Variants in UGT2B11 observed in about 807,000 individuals in gnomAD.
UGT2B11 encodes the protein UDP-glucuronosyltransferase 2B11.
Under a neutral mutation model 51.7 loss-of-function variants are expected in UGT2B11, and 49 were observed. The ratio of observed to expected loss-of-function variants is 0.95; its 90% CI spans 0.75 to 1.20. The LOEUF (loss-of-function observed/expected upper bound fraction) is 1.20. UGT2B11 is among the 50% of genes most tolerant of loss of function. The pLI, the probability that UGT2B11 is intolerant of heterozygous loss-of-function variation, is 0.00. For synonymous variants in UGT2B11, 273 were observed against 209.0 expected (o/e 1.31, Z -2.64); for missense variants, 810 against 622.1 (o/e 1.30, Z -3.21).
At chr4:69,222,330 T>C in the UGT2B11 span, among the ~76,000 whole-genome samples, 3 of 152,260 alleles carry the variant, frequency 2.0e-5, no homozygotes, top group Non-Finnish European at 2.9e-5. Flanking sequence ...GGGCCTTCCT[T>C]AGCCTTTCTA....
chr4:69,208,359 G>A lies in UGT2B11; in HGVS notation c.994C>T (p.Pro332Ser), dbSNP rs1560538589. The A allele has an allele frequency of 6.2e-7, 1 of 1,610,776 alleles. No homozygotes were observed. Among genetic ancestry groups the A allele is most frequent in the Non-Finnish European group, 8.5e-7 (1 of 1,177,944 alleles). The part of the protein sequence containing the change: ...NVIATALAKI[P>S]QKVLWRFDGN... ...AAGGCCCTTTATCTTACCTTTTGTG[G>A]GATCTTGGCAAGGGCTGTTGCAATT... Residue 332 changes from proline (P) to serine (S), a missense_variant, in exon 3 of 6, where the codon CCA becomes TCA. Coordinates refer to ENST00000446444, the MANE Select transcript of UGT2B11 (RefSeq NM_001073.3).
chr4:69,212,350 A>G (rs561972464), intron 2 of UGT2B11, among the ~76,000 whole-genome samples: 8 of 151,644 alleles, frequency 5.3e-5, no homozygotes, highest in Middle Eastern at 3.4e-3. Context: ...TCAACCCTAC[A>G]TTCAAAGTCT....
rs543747191 is a variant in UGT2B11, at chr4:69,212,102, T to C, written c.870+471A>G. ...CCAGGATACTTTCTATTATCTCCAC[T>C]GATGCTTTTTTGACATTGGGTTTTT... On this transcript the variant is annotated intron_variant, in intron 2 of 5. Transcript: ENST00000446444. Among the ~76,000 whole-genome samples, 3 of 151,726 alleles carry C rather than the reference T, an allele frequency of 2.0e-5. No individual in the cohort carries two copies. In the South Asian group the frequency reaches 6.2e-4, roughly 31 times the overall value.
rs1173286612 is a variant in UGT2B11, at chr4:69,204,485, T to C, written c.1255A>G (p.Thr419Ala). 2.5e-6 allele frequency: 4 copies of C among 1,612,034 alleles called. No individual in the cohort carries two copies. The African/African-American group carries it at 4.0e-5, about 16-fold the overall frequency. ...TTCAGCAGGTCTGTACTCGACATTG[T>C]GTTGAAGTCCAATCTAACAGCTGCT... ...KGAAVRLDFN[T>A]MSSTDLLNAL... The change falls in exon 5 of 6, where the codon ACA becomes GCA. Residue 419 changes from threonine to alanine, a missense_variant. Physicochemically the swap from Thr to Ala is moderately conservative, Grantham distance 58. Coordinates refer to ENST00000446444, the MANE Select transcript of UGT2B11 (RefSeq NM_001073.3).
the UGT2B11 span, among the ~76,000 whole-genome samples, chr4:69,223,583 A>G: frequency 1.3e-5 from 2 of 152,168 alleles, no homozygotes. Flanking sequence ...CTGAGGCACC[A>G]CTGATGCCTG....
chr4:69,203,130 G>T lies in UGT2B11; in HGVS notation c.1310+1300C>A, dbSNP rs576924840. Among the ~76,000 whole-genome samples the T allele has an allele frequency of 2.6e-5, 4 of 151,692 alleles. No homozygotes were observed. In the East Asian group the frequency reaches 7.8e-4, roughly 30 times the overall value. On this transcript the variant is annotated intron_variant, in intron 5 of 5. Coordinates refer to ENST00000446444, the MANE Select transcript of UGT2B11 (RefSeq NM_001073.3). ...TATTTAAAAAGTATATATCTGATTT[G>T]TCCCATAATATATAAATAGTTCTTA...
At chr4:69,204,371 C>T in intron 5 of UGT2B11, 59 bp downstream of exon 5, 9 of 1,602,066 alleles carry the variant, frequency 5.6e-6, no homozygotes, top group Non-Finnish European at 7.7e-6. Context: ...CTCATGCTCA[C>T]TATTGACAAG....
chr4:69,200,577 A>T lies in UGT2B11; in HGVS notation c.1453T>A (p.Trp485Arg). 6.2e-7 allele frequency: 1 copy of T among 1,612,512 alleles called. No homozygotes were observed. The highest frequency in any genetic ancestry group is 1.7e-4 in the Middle Eastern group (1 of 6,044). Residue 485 changes from tryptophan to arginine, a missense_variant, in exon 6 of 6, where the codon TGG becomes AGG. By Grantham distance (101) the Trp-to-Arg change is moderately radical. Coordinates refer to ENST00000446444, the MANE Select transcript of UGT2B11 (RefSeq NM_001073.3). ...HLRVAAHDLT[W>R]FQYHSLDVIG... is the part of the protein sequence containing the mutation. ...ACATCCAAAGAGTGGTACTGGAACC[A>T]GGTGAGGTCATGGGCTGCAACTCGA... is the stretch of plus-strand genomic sequence containing the variant.
At chr4:69,220,818 C>T in the UGT2B11 span, among the ~76,000 whole-genome samples, 3 of 152,042 alleles carry the variant, frequency 2.0e-5, no homozygotes, top group Non-Finnish European at 2.9e-5. Flanking sequence ...GAGGCAGGTT[C>T]CTCCTCTTTC....
chr4:69,210,343 C>CAA (rs957583029), intron 2 of UGT2B11, among the ~76,000 whole-genome samples: 17 of 151,374 alleles, frequency 1.1e-4, no homozygotes, highest in Admixed American at 8.6e-4. Context: ...AAATTAATAA[C>CAA]TACGCATTTT....
intron 2 of UGT2B11, among the ~76,000 whole-genome samples, chr4:69,212,165 T>G (rs1722089607): frequency 1.3e-5 from 2 of 151,696 alleles, no homozygotes; most frequent in Admixed American, 1.3e-4. Flanking sequence ...TTTCATTAAT[T>G]ACTTTTCTAT....
In UGT2B11 at chr4:69,212,608, C is replaced by G. The variant is rs1453683522; in HGVS notation, c.835G>C (p.Gly279Arg). The change falls in exon 2 of 6, where the codon GGA becomes CGA. Residue 279 changes from glycine to arginine, a missense_variant. Physicochemically the swap from Gly to Arg is moderately radical, Grantham distance 125. Transcript: ENST00000446444. ...PFLPNVDFVG[G>R]FHCKPAKPLP... ...GGTTTGGCAGGTTTGCAGTGGAATC[C>G]TCCAACAAAATCAACGTTTGGTAAG... 5.6e-6 allele frequency: 9 copies of G among 1,608,366 alleles called. No individual in the cohort carries two copies. The highest frequency in any genetic ancestry group is 7.6e-6 in the Non-Finnish European group (9 of 1,176,912).
upstream of UGT2B11, among the ~76,000 whole-genome samples, chr4:69,219,053 G>A (rs1452823461): frequency 3.9e-5 from 6 of 151,934 alleles, no homozygotes; most frequent in East Asian, 9.7e-4. Context: ...CCCATTCAGC[G>A]TCCTCAGCCT....
the UGT2B11 span, among the ~76,000 whole-genome samples, chr4:69,221,607 A>G: frequency 6.6e-6 from 1 of 152,272 alleles, no homozygotes; most frequent in Admixed American, 6.5e-5. Flanking sequence ...AGGCATTACA[A>G]GAAAGGCATG....
chr4:69,220,155 A>C, the UGT2B11 span, among the ~76,000 whole-genome samples: 1 of 152,188 alleles, frequency 6.6e-6, no homozygotes, highest in Non-Finnish European at 1.5e-5. Flanking sequence ...AGGTAAGGCA[A>C]TAAAATCCAG....
upstream of UGT2B11, chr4:69,215,515 T>A (rs1179912108): frequency 6.6e-6 from 1 of 152,094 alleles, no homozygotes; most frequent in Non-Finnish European, 1.5e-5. Flanking sequence ...ACAATTTATT[T>A]ATTCATTTAT....
intron 2 of UGT2B11, among the ~76,000 whole-genome samples, chr4:69,210,145 C>G (rs1027912888): frequency 6.6e-6 from 1 of 151,422 alleles, no homozygotes; most frequent in Admixed American, 6.6e-5. Context: ...TTTATTTGTA[C>G]TATGGCTGAT....
chr4:69,208,379 G>A lies in UGT2B11; in HGVS notation c.974C>T (p.Ala325Val), dbSNP rs755449934. The A allele has an allele frequency of 6.2e-7, 1 of 1,611,036 alleles. No homozygotes were observed. The highest frequency in any genetic ancestry group is 1.7e-5 in the Admixed American group (1 of 59,812). ...TTGTGGGATCTTGGCAAGGGCTGTT[G>A]CAATTACATTGGCCCTTTCTGCTGT... Reference protein sequence around the residue: ...NMTAERANVIATALAKIPQKV... With the variant: ...NMTAERANVIVTALAKIPQKV... The change falls in exon 3 of 6, where the codon GCA becomes GTA. Residue 325 changes from alanine (A) to valine (V), a missense_variant. Ala to Val is a moderately conservative substitution (Grantham distance 64). Transcript: ENST00000446444.
rs1363066294 is a variant in UGT2B11, at chr4:69,200,304, AT to A, written c.*135del. The A allele has an allele frequency of 1.6e-6, 2 of 1,230,210 alleles. No individual in the cohort carries two copies. Among genetic ancestry groups the A allele is most frequent in the African/African-American group, 3.4e-5 (2 of 59,682 alleles). The allele number at this position is 1,230,210 out of a possible 1,614,324, so 76.2% of individuals were successfully genotyped here. On this transcript the variant is annotated 3_prime_UTR_variant, in exon 6 of 6. Coordinates refer to ENST00000446444, the MANE Select transcript of UGT2B11 (RefSeq NM_001073.3). The stretch of plus-strand genomic sequence containing the variant: ...AACAAATTTTTACTTGACAAGGTAG[AT>A]TTGAAAATTTTTTTTTTTTTTTTTT...
Sources: allele counts gnomAD v4.1 joint callset (sites outside exome capture counted in the v4.1 genomes callset), GRCh38; gene constraint gnomAD v4.1.1; transcripts MANE v1.5; gene names NCBI Gene and HGNC (gene_info 2026-07-23, HGNC 2026-07-21).